The following DPYD variants were observed in gnomAD, a reference collection of about 807,000 sequenced individuals.
DPYD encodes dihydropyrimidine dehydrogenase.
DPYD carries 109 observed loss-of-function variants against 116.2 expected under a neutral mutation model. The ratio of observed to expected loss-of-function variants is 0.94; its 90% CI spans 0.80 to 1.10. DPYD has a LOEUF of 1.10. Among genes scored for constraint, DPYD ranks in the 50% least tolerant of loss-of-function variants. The pLI, the probability that DPYD is intolerant of heterozygous loss-of-function variation, is 0.00. For synonymous variants in DPYD, 440 were observed against 432.0 expected (o/e 1.02, Z -0.23); for missense variants, 1,302 against 1,254.5 (o/e 1.04, Z -0.57).
At chr1:97,766,044 G>T (rs188356131) in intron 3 of DPYD, among the ~76,000 whole-genome samples, 2 of 152,054 alleles carry the variant, frequency 1.3e-5, no homozygotes, top group African/African-American at 4.8e-5. Context: ...AGGAGTTCAA[G>T]ACCAGCCTGA....
chr1:97,261,894 A>C (rs570438264), intron 18 of DPYD, among the ~76,000 whole-genome samples: 3 of 152,112 alleles, frequency 2.0e-5, no homozygotes, highest in African/African-American at 7.2e-5. Context: ...AATTCCTTAA[A>C]CACTAAACTA....
chr1:97,724,141 C>A (rs1270273532), intron 4 of DPYD, among the ~76,000 whole-genome samples: 2 of 151,634 alleles, frequency 1.3e-5, no homozygotes, highest in African/African-American at 4.8e-5. Flanking sequence ...AACTTCAACA[C>A]CTTAATAAAA....
At chr1:97,205,556 T>A (rs774204873) in intron 19 of DPYD, among the ~76,000 whole-genome samples, 14 of 152,170 alleles carry the variant, frequency 9.2e-5, no homozygotes, top group Non-Finnish European at 1.9e-4. Context: ...ACTTCATATA[T>A]TTTAAAATAT....
At chr1:97,332,224 G>T (rs1001298547) in intron 16 of DPYD, among the ~76,000 whole-genome samples, 5 of 152,156 alleles carry the variant, frequency 3.3e-5, no homozygotes, top group Admixed American at 2.0e-4. Context: ...GTCTATTCCT[G>T]TAGTCTCTGA....
intron 20 of DPYD, among the ~76,000 whole-genome samples, chr1:97,108,328 T>G (rs1570468670): frequency 6.6e-6 from 1 of 151,784 alleles, no homozygotes; most frequent in South Asian, 2.1e-4. Flanking sequence ...CATGAGGGGG[T>G]TTGACTACAT....
chr1:97,221,184 A>G (rs1378741409), intron 19 of DPYD, among the ~76,000 whole-genome samples: 1 of 152,226 alleles, frequency 6.6e-6, no homozygotes, highest in Non-Finnish European at 1.5e-5. Flanking sequence ...GATAGAGCTC[A>G]AGAACTAAGA....
chr1:97,887,647 A>T (rs1672573907), intron 1 of DPYD, among the ~76,000 whole-genome samples: 1 of 151,806 alleles, frequency 6.6e-6, no homozygotes, highest in African/African-American at 2.4e-5. Flanking sequence ...ACAGACACAC[A>T]AAAAAAGGAG....
chr1:97,717,132 CATGGAATAAG>C (rs1444242354), intron 5 of DPYD, among the ~76,000 whole-genome samples: 1 of 151,904 alleles, frequency 6.6e-6, no homozygotes, highest in Non-Finnish European at 1.5e-5. Flanking sequence ...AATACACTTA[CATGGAATAAG>C]ATCTACTGTT....
At chr1:97,737,240 T>C (rs1390248927) in intron 4 of DPYD, among the ~76,000 whole-genome samples, 1 of 152,110 alleles carries the variant, frequency 6.6e-6, no homozygotes, top group Middle Eastern at 3.2e-3. Context: ...GATAAGTCAA[T>C]ACTCTTTAAA....
intron 13 of DPYD, among the ~76,000 whole-genome samples, chr1:97,468,280 T>C (rs761607462): frequency 1.3e-4 from 20 of 152,246 alleles, no homozygotes; most frequent in Non-Finnish European, 2.6e-4. Flanking sequence ...ATTTATACTA[T>C]GGTCTGAATG....
chr1:97,255,590 T>C (rs650879), intron 18 of DPYD, among the ~76,000 whole-genome samples: 112,819 of 151,996 alleles, frequency 0.74, 42,622 homozygotes, highest in East Asian at 1. Flanking sequence ...TCCCCAGCCA[T>C]GTGGAACTGT....
intron 18 of DPYD, among the ~76,000 whole-genome samples, chr1:97,292,158 T>G (rs1234645860): frequency 6.6e-6 from 1 of 152,138 alleles, no homozygotes; most frequent in East Asian, 1.9e-4. Flanking sequence ...AATCTGTGTA[T>G]TTGAAAAGCT....
chr1:97,185,169 A>C (rs1657909723), intron 20 of DPYD, among the ~76,000 whole-genome samples: 1 of 152,156 alleles, frequency 6.6e-6, no homozygotes, highest in African/African-American at 2.4e-5. Context: ...TAAAAAATGG[A>C]CAAAATATTT....
chr1:97,317,926 T>C (rs569071247), intron 16 of DPYD, among the ~76,000 whole-genome samples: 95 of 152,008 alleles, frequency 6.2e-4, no homozygotes, highest in Non-Finnish European at 1.0e-3. Context: ...CAAGTTGGTA[T>C]AGTTCTTTAA....
At chr1:97,533,876 G>A (rs892706663) in intron 12 of DPYD, among the ~76,000 whole-genome samples, 4 of 152,102 alleles carry the variant, frequency 2.6e-5, no homozygotes, top group Non-Finnish European at 5.9e-5. Context: ...GGGAAGGATG[G>A]TTGTGAAGAT....
intron 5 of DPYD, chr1:97,719,736 A>T: frequency 4.1e-6 from 4 of 985,078 alleles, no homozygotes; most frequent in Non-Finnish European, 4.8e-6. Context: ...GCCAACCCAA[A>T]AAAAAGGACA....
chr1:97,483,063 C>T (rs1678411804), intron 13 of DPYD, among the ~76,000 whole-genome samples: 1 of 152,176 alleles, frequency 6.6e-6, no homozygotes, highest in Non-Finnish European at 1.5e-5. Context: ...TGTCTTCCCA[C>T]ATACCATGGT....
At chr1:97,163,437 T>C (rs1247070074) in intron 20 of DPYD, among the ~76,000 whole-genome samples, 2 of 152,164 alleles carry the variant, frequency 1.3e-5, no homozygotes, top group African/African-American at 2.4e-5. Context: ...CTGTGAACAA[T>C]ATCAGAAACT....
At chr1:97,464,808 G>C (rs1425692364) in intron 13 of DPYD, among the ~76,000 whole-genome samples, 2 of 152,216 alleles carry the variant, frequency 1.3e-5, no homozygotes, top group African/African-American at 4.8e-5. Flanking sequence ...TACTAGGGCA[G>C]TGCAGAAGGG....
Sources: allele counts gnomAD v4.1 joint callset (sites outside exome capture counted in the v4.1 genomes callset), GRCh38; gene constraint gnomAD v4.1.1; transcripts MANE v1.5; gene names NCBI Gene and HGNC (gene_info 2026-07-23, HGNC 2026-07-21).